Variants in CELF2 observed in about 807,000 individuals in gnomAD.
The protein encoded by CELF2 is CUGBP Elav-like family member 2.
Under a neutral mutation model 62.6 loss-of-function variants are expected in CELF2, and 8 were observed. The observed-to-expected ratio is 0.13, with a 90% CI of 0.07 to 0.23. The LOEUF (loss-of-function observed/expected upper bound fraction) is 0.23. Ranked by LOEUF, CELF2 falls within the 10% of genes least tolerant of loss-of-function variation. The pLI is 1.00. For synonymous variants in CELF2, 258 were observed against 250.0 expected (o/e 1.03, Z -0.30); for missense variants, 333 against 671.0 (o/e 0.50, Z 5.56).
chr10:10,483,401 T>A, the CELF2 span, among the ~76,000 whole-genome samples: 30 of 152,156 alleles, frequency 2.0e-4, no homozygotes, highest in African/African-American at 7.0e-4. Flanking sequence ...GGGCTAAGCA[T>A]AACACAGTTC....
intron 6 of CELF2, 127 bp downstream of exon 6, chr10:11,266,804 A>C: frequency 1.5e-6 from 1 of 648,934 alleles, no homozygotes; most frequent in East Asian, 3.1e-5. Flanking sequence ...CTCAGTTTTC[A>C]TTCATTCATT....
the CELF2 span, among the ~76,000 whole-genome samples, chr10:10,654,418 A>T: frequency 9.0e-6 from 1 of 111,102 alleles, no homozygotes; most frequent in African/African-American, 3.4e-5. Flanking sequence ...ACAACCAAAA[A>T]AGAGAATTTT....
upstream of CELF2, among the ~76,000 whole-genome samples, chr10:11,017,759 G>C (rs920956792): frequency 6.6e-6 from 1 of 151,842 alleles, no homozygotes; most frequent in African/African-American, 2.4e-5. The surrounding 1 kb of genome is among the most constrained non-coding windows in gnomAD (Gnocchi z 5.5). Flanking sequence ...CCCGGGCGGT[G>C]AGCGCGGAGG....
chr10:11,087,523 A>G (rs2047145284), intron 1 of CELF2, among the ~76,000 whole-genome samples: 1 of 152,244 alleles, frequency 6.6e-6, no homozygotes, highest in African/African-American at 2.4e-5. Context: ...GACGTAGAAC[A>G]TGGCACTGTT....
chr10:10,706,660 G>C, the CELF2 span, among the ~76,000 whole-genome samples: 2 of 152,212 alleles, frequency 1.3e-5, no homozygotes, highest in Non-Finnish European at 2.9e-5. Context: ...CAAAAGGCCA[G>C]ATATGAGCAT....
At chr10:11,084,784 T>G (rs1263191120) in intron 1 of CELF2, among the ~76,000 whole-genome samples, 1 of 152,064 alleles carries the variant, frequency 6.6e-6, no homozygotes, top group Non-Finnish European at 1.5e-5. Flanking sequence ...TTTTCTAAGG[T>G]CTGCCCAGAG....
chr10:11,115,554 A>G (rs1595571004), intron 1 of CELF2, among the ~76,000 whole-genome samples: 1 of 152,206 alleles, frequency 6.6e-6, no homozygotes, highest in South Asian at 2.1e-4. Flanking sequence ...CCCTTTAGCT[A>G]TTCATCACTG....
At chr10:10,728,116 A>AT in the CELF2 span, among the ~76,000 whole-genome samples, 155 of 147,494 alleles carry the variant, frequency 1.1e-3, no homozygotes, top group African/African-American at 2.1e-3. Flanking sequence ...AATGAGAATG[A>AT]TTTTTTTTTT....
chr10:10,910,446 A>G (rs2063707773), intron 1 of CELF2, among the ~76,000 whole-genome samples: 1 of 152,064 alleles, frequency 6.6e-6, no homozygotes, highest in Admixed American at 6.6e-5. Flanking sequence ...TGTAATCCCA[A>G]CACTTTGGGA....
At chr10:10,472,511 C>G in the CELF2 span, among the ~76,000 whole-genome samples, 2 of 151,742 alleles carry the variant, frequency 1.3e-5, no homozygotes, top group African/African-American at 4.8e-5. Context: ...CTTAAAATTG[C>G]TGCTGTTAAG....
At chr10:11,096,453 T>G (rs1471549112) in intron 1 of CELF2, 1 of 152,158 alleles carries the variant, frequency 6.6e-6, no homozygotes, top group Non-Finnish European at 1.5e-5. Flanking sequence ...TAATCGCTAA[T>G]CACTAAATCT....
At chr10:10,729,570 A>G in the CELF2 span, among the ~76,000 whole-genome samples, 191 of 152,210 alleles carry the variant, frequency 1.3e-3, 1 homozygote, top group African/African-American at 4.2e-3. Context: ...TCGCACCACT[A>G]CACTCCAGCC....
At chr10:10,849,363 T>C (rs2059231844) in intron 1 of CELF2, among the ~76,000 whole-genome samples, 1 of 151,996 alleles carries the variant, frequency 6.6e-6, no homozygotes, top group Non-Finnish European at 1.5e-5. Flanking sequence ...GCAGAGATCA[T>C]GCCACTGCAC....
intron 2 of CELF2, among the ~76,000 whole-genome samples, chr10:10,924,783 C>A (rs1382467411): frequency 8.5e-6 from 1 of 118,126 alleles, no homozygotes; most frequent in African/African-American, 3.3e-5. Flanking sequence ...TCAATCTAAG[C>A]AATTGGGGAA....
At chr10:10,573,191 T>C in the CELF2 span, among the ~76,000 whole-genome samples, 1 of 152,190 alleles carries the variant, frequency 6.6e-6, no homozygotes, top group African/African-American at 2.4e-5. Flanking sequence ...CACTTTCTAA[T>C]GGGGTTGTTT....
At chr10:10,495,111 C>CT in the CELF2 span, among the ~76,000 whole-genome samples, 1 of 142,572 alleles carries the variant, frequency 7.0e-6, no homozygotes, top group African/African-American at 3.0e-5. Flanking sequence ...CCCGTCTCTA[C>CT]TAAAAAAAAA....
At chr10:11,002,582 G>T (rs984417830), upstream of CELF2, among the ~76,000 whole-genome samples, 5 of 152,146 alleles carry the variant, frequency 3.3e-5, no homozygotes, top group African/African-American at 1.2e-4. The surrounding 1 kb of genome is among the most constrained non-coding windows in gnomAD (Gnocchi z 4.4). Flanking sequence ...CATCATTATT[G>T]CATCTTCTCC....
the CELF2 span, among the ~76,000 whole-genome samples, chr10:10,545,731 A>C: frequency 1.3e-5 from 2 of 152,218 alleles, no homozygotes; most frequent in African/African-American, 2.4e-5. Flanking sequence ...GTTAAGAAAG[A>C]GTTAACCTTC....
At chr10:11,102,232 T>G (rs2051889227) in intron 1 of CELF2, 1 of 152,236 alleles carries the variant, frequency 6.6e-6, no homozygotes, top group African/African-American at 2.4e-5. Context: ...ACTTAAGCCT[T>G]CCTTCCAGTC....
Sources: gnomAD v4.1 joint callset for allele counts (sites outside exome capture counted in the v4.1 genomes callset) on GRCh38, gnomAD v4.1.1 for gene constraint, Gnocchi (gnomAD v3.1) non-coding constraint, MANE v1.5 for transcripts, NCBI Gene and HGNC (gene_info 2026-07-23, HGNC 2026-07-21) for gene names.